The following BRAF variants were observed in gnomAD, a reference collection of about 807,000 sequenced individuals.
The protein encoded by BRAF is serine/threonine-protein kinase B-raf.
In BRAF, 16 loss-of-function variants were observed where a neutral mutation model predicts 104.6. That is an observed-to-expected ratio of 0.15 (90% CI 0.10 to 0.23). BRAF has a LOEUF of 0.23. Ranked by LOEUF, BRAF falls within the 10% of genes least tolerant of loss-of-function variation. BRAF has a pLI of 1.00. For synonymous variants in BRAF, 310 were observed against 341.6 expected (o/e 0.91, Z 1.02); for missense variants, 541 against 937.3 (o/e 0.58, Z 5.52).
intron 18 of BRAF, among the ~76,000 whole-genome samples, chr7:140,737,822 A>T (rs1002658968): frequency 6.6e-6 from 1 of 152,212 alleles, no homozygotes; most frequent in Non-Finnish European, 1.5e-5. Context: ...TCAAAATAAC[A>T]CTTTAAAGGG....
chr7:140,907,610 G>C (rs894029578), intron 1 of BRAF, among the ~76,000 whole-genome samples: 2 of 151,918 alleles, frequency 1.3e-5, no homozygotes, highest in Admixed American at 6.6e-5. Context: ...GCCTAGGCTG[G>C]AGTGCAGTGT....
In BRAF at chr7:140,724,136, A is replaced by G; in HGVS notation, c.*2358T>C. 9.5e-7 allele frequency: 1 copy of G among 1,053,944 alleles called. No individual in the cohort carries two copies. The highest frequency in any genetic ancestry group is 1.7e-5 in the African/African-American group (1 of 60,430). 65.3% of individuals were successfully genotyped at this position (1,053,944 alleles called of 1,614,324 possible). A position where few individuals can be genotyped will look rare whatever the true frequency, so the allele number is the denominator to read the frequency against. On this transcript the variant is annotated 3_prime_UTR_variant, in exon 20 of 20. Transcript: ENST00000644969. ...CTATTCTAAAATGCAAGGGAAGAAA[A>G]AGTGTATCACCCTGAATATTGTTTA...
At chr7:140,813,886 C>A (rs1168286652) in intron 3 of BRAF, among the ~76,000 whole-genome samples, 2 of 149,620 alleles carry the variant, frequency 1.3e-5, no homozygotes, top group Admixed American at 6.7e-5. Context: ...CGGACGCATA[C>A]ATACACACAC....
intron 19 of BRAF, chr7:140,726,537 C>T: frequency 1.3e-6 from 2 of 1,527,322 alleles, no homozygotes; most frequent in Non-Finnish European, 1.8e-6. Flanking sequence ...AGGACAAGAG[C>T]TAATTTTAAA....
Position 140,736,656 on chromosome 7 carries a change from A to G in BRAF, c.2248-1886T>C, listed in dbSNP as rs557138354. Among the ~76,000 whole-genome samples, 16 of 150,880 alleles carry G rather than the reference A, an allele frequency of 1.1e-4. No individual in the cohort carries two copies. The South Asian group carries it at 1.5e-3, about 14-fold the overall frequency. On this transcript the variant is annotated intron_variant, in intron 18 of 19. Transcript: ENST00000644969. ...TGGTCAGGCTGGTTTCGAACTCCCA[A>G]CCTCAGGTGATCCGCCTGCCTCGGC...
Position 140,724,662 on chromosome 7 carries a change from T to C in BRAF, c.*1832A>G, listed in dbSNP as rs2130827819. ...AAATCTAATGGTAGTGAGCTTTTAG[T>C]GGCTGCAATATAGACAGCAGGGCCT... On this transcript the variant is annotated 3_prime_UTR_variant, in exon 20 of 20. Transcript: ENST00000644969. The C allele has an allele frequency of 1.9e-6, 2 of 1,034,994 alleles. No individual in the cohort carries two copies. Among genetic ancestry groups the C allele is most frequent in the South Asian group, 9.2e-5 (2 of 21,696 alleles). 64.1% of individuals were successfully genotyped at this position (1,034,994 alleles called of 1,614,324 possible).
At chr7:140,851,305 T>G (rs1809133690) in intron 1 of BRAF, among the ~76,000 whole-genome samples, 1 of 152,200 alleles carries the variant, frequency 6.6e-6, no homozygotes, top group East Asian at 1.9e-4. Context: ...ATGATCTAAA[T>G]CTGCAGCTTT....
chr7:140,831,114 T>C (rs1037855068), intron 3 of BRAF, among the ~76,000 whole-genome samples: 10 of 152,204 alleles, frequency 6.6e-5, no homozygotes, highest in African/African-American at 1.9e-4. Flanking sequence ...AGTGTCAGAA[T>C]TGAGTTAAAT....
chr7:140,881,132 C>A (rs1563013779), intron 1 of BRAF, among the ~76,000 whole-genome samples: 1 of 152,080 alleles, frequency 6.6e-6, no homozygotes, highest in African/African-American at 2.4e-5. Flanking sequence ...ATTCAGTAAA[C>A]CATGCTGTAA....
chr7:140,725,883 C>T lies in BRAF; in HGVS notation c.*611G>A, dbSNP rs1281542202. ...TGCCCTTTTCCTCCATACCAAGACA[C>T]ATCTACTCACCACTCAGCCTCCATT... On this transcript the variant is annotated 3_prime_UTR_variant, in exon 20 of 20. Transcript: ENST00000644969. The T allele has an allele frequency of 4.7e-6, 5 of 1,062,520 alleles. No individual in the cohort carries two copies. The highest frequency in any genetic ancestry group is 5.7e-6 in the Non-Finnish European group (5 of 877,678). 65.8% of individuals were successfully genotyped at this position (1,062,520 alleles called of 1,614,324 possible).
intron 19 of BRAF, chr7:140,733,863 G>A: frequency 2.2e-6 from 1 of 460,366 alleles, no homozygotes; most frequent in Non-Finnish European, 2.9e-6. Flanking sequence ...TTCTACATGA[G>A]CGAGACATCC....
chr7:140,798,559 C>CTTTTTTT (rs1033928919), intron 7 of BRAF, among the ~76,000 whole-genome samples: 1 of 125,344 alleles, frequency 8.0e-6, no homozygotes, highest in Non-Finnish European at 1.7e-5. Context: ...CGCGCCCGGC[C>CTTTTTTT]TTTTTTTTTT....
Position 140,724,249 on chromosome 7 carries a change from T to C in BRAF, c.*2245A>G. On this transcript the variant is annotated 3_prime_UTR_variant, in exon 20 of 20. Coordinates refer to ENST00000644969, the MANE Select transcript of BRAF (RefSeq NM_001374258.1). ...AGTCCCGGACCCAGGCTGCACATGT[T>C]CTACCTCCTCAGCAGGACATGAAAC... 9.4e-7 allele frequency: 1 copy of C among 1,059,234 alleles called. No homozygotes were observed. The highest frequency in any genetic ancestry group is 1.1e-6 in the Non-Finnish European group (1 of 875,460). 65.6% of individuals were successfully genotyped at this position (1,059,234 alleles called of 1,614,324 possible).
Position 140,719,348 on chromosome 7 carries a change from A to C in BRAF, c.*7146T>G. 1.0e-6 allele frequency: 1 copy of C among 993,592 alleles called. No homozygotes were observed. The highest frequency in any genetic ancestry group is 1.2e-6 in the Non-Finnish European group (1 of 826,458). The allele number at this position is 993,592 out of a possible 1,614,324, so 61.5% of individuals were successfully genotyped here. A position where few individuals can be genotyped will look rare whatever the true frequency, so the allele number is the denominator to read the frequency against. On this transcript the variant is annotated 3_prime_UTR_variant, in exon 20 of 20. Transcript: ENST00000644969. ...TTGATGAAGACTTCTCCATGCAGTCAATCTTTATTATAGCAGTATTCGCAT... is the reference window on the plus strand; with the variant it reads ...TTGATGAAGACTTCTCCATGCAGTCCATCTTTATTATAGCAGTATTCGCAT...
chr7:140,855,306 A>C (rs1809651613), intron 1 of BRAF, among the ~76,000 whole-genome samples: 1 of 152,164 alleles, frequency 6.6e-6, no homozygotes, highest in Non-Finnish European at 1.5e-5. Context: ...ATTAAAAACA[A>C]AACTAAAAAC....
At position 140,895,978 on chromosome 7, in the gene BRAF, T is replaced by C. The variant is rs536770174; in HGVS notation, c.138+28588A>G. Among the ~76,000 whole-genome samples, 3 of 152,330 alleles carry C rather than the reference T, an allele frequency of 2.0e-5. No individual in the cohort carries two copies. The East Asian group carries it at 5.8e-4, about 29-fold the overall frequency. On this transcript the variant is annotated intron_variant, in intron 1 of 19. Transcript: ENST00000644969. Reference sequence around the variant, plus strand: ...TAGATCACAGGAACCTCCATACTGATACAGTGTCTGTACTAGTTTACATTC... The same window carrying C: ...TAGATCACAGGAACCTCCATACTGACACAGTGTCTGTACTAGTTTACATTC...
intron 1 of BRAF, among the ~76,000 whole-genome samples, chr7:140,904,899 G>A (rs1052889914): frequency 2.6e-5 from 4 of 152,228 alleles, no homozygotes; most frequent in East Asian, 1.9e-4. Flanking sequence ...GAGCCACTGC[G>A]CCTGACCAGA....
At chr7:140,794,148 CAGA>C (rs1802283078) in intron 8 of BRAF, among the ~76,000 whole-genome samples, 157 bp downstream of exon 8, 1 of 152,090 alleles carries the variant, frequency 6.6e-6, no homozygotes, top group Non-Finnish European at 1.5e-5. Flanking sequence ...AGAGAGAAAC[CAGA>C]AGCTTTTCTG....
At chr7:140,856,658 T>G (rs554173782) in intron 1 of BRAF, among the ~76,000 whole-genome samples, 1 of 152,072 alleles carries the variant, frequency 6.6e-6, no homozygotes, top group East Asian at 1.9e-4. Context: ...CTGAGAAAAT[T>G]AGCCAAAAGG....
Sources: allele counts gnomAD v4.1 joint callset (sites outside exome capture counted in the v4.1 genomes callset), GRCh38; gene constraint gnomAD v4.1.1; transcripts MANE v1.5; gene names NCBI Gene and HGNC (gene_info 2026-07-23, HGNC 2026-07-21).